OTOF: variants seen among roughly 807,000 people sequenced by gnomAD.
OTOF encodes otoferlin.
A neutral mutation model predicts 236.8 loss-of-function variants in OTOF; 218 were observed. The observed-to-expected ratio is 0.92, with a 90% CI of 0.82 to 1.03. The LOEUF (loss-of-function observed/expected upper bound fraction) is 1.03. OTOF is among the 50% of genes least tolerant of loss of function. The probability of loss-of-function intolerance (pLI) is 0.00; values close to 1 mark genes in which losing one functional copy is unlikely to be tolerated. For missense variants in OTOF, 2,590 were observed against 2,694.4 expected (o/e 0.96, Z 0.86); for synonymous variants, 1,041 against 1,072.5 (o/e 0.97, Z 0.57).
chr2:26,479,185 G>A (rs1309696692), intron 18 of OTOF, 79 bp downstream of exon 18: 2 of 1,534,572 alleles, frequency 1.3e-6, no homozygotes, highest in Non-Finnish European at 1.8e-6. Flanking sequence ...GACCAGCTTT[G>A]TGTGTTCCAG....
rs759221254 is a variant in OTOF at position 26,477,815 on chromosome 2, C to T, written c.2215-66G>A. ...GCCTCCCCAGCCTCCCCAAATGCCT[C>T]CTCCCTGTTGATCAGGGGAGTGAGG... On this transcript the variant is annotated intron_variant, in intron 18 of 46. Transcript: ENST00000272371. This position sits in a 1 kb window ranked among gnomAD's most constrained non-coding sequence, Gnocchi z 4.7. 1.9e-6 allele frequency: 3 copies of T among 1,596,506 alleles called. No homozygotes were observed. The highest frequency in any genetic ancestry group is 2.6e-6 in the Non-Finnish European group (3 of 1,171,816).
chr2:26,492,627 T>G (rs1312463260), intron 9 of OTOF, among the ~76,000 whole-genome samples: 4 of 152,178 alleles, frequency 2.6e-5, no homozygotes, highest in Non-Finnish European at 4.4e-5. Context: ...TCAGTGGATG[T>G]TTGTGTCTTC....
chr2:26,494,122 C>A (rs1186306933), intron 9 of OTOF, among the ~76,000 whole-genome samples: 1 of 152,218 alleles, frequency 6.6e-6, no homozygotes, highest in Non-Finnish European at 1.5e-5. Flanking sequence ...GCTGGGTGGG[C>A]AGCCTGGCCC....
chr2:26,483,734 C>A (rs1426810824), intron 12 of OTOF, 86 bp from the exon 13 acceptor site: 6 of 1,243,894 alleles, frequency 4.8e-6, no homozygotes, highest in Middle Eastern at 2.6e-4. Context: ...TGGGTCCTGG[C>A]ACAGTCTCTA....
chr2:26,472,587 C>T lies in OTOF; in HGVS notation c.3796G>A (p.Glu1266Lys). Reference sequence around the variant, plus strand: ...TCTGGCTCCATAGTCACCACAACCTCCCCTGTGGAGTGAGAGGAGGAGCCC... The same window carrying T: ...TCTGGCTCCATAGTCACCACAACCTTCCCTGTGGAGTGAGAGGAGGAGCCC... ...NGGSSSHSTG[E>K]VVVTMEPEVP... Residue 1266 changes from glutamate to lysine, a missense_variant, in exon 30 of 47, where the codon GAG becomes AAG. Transcript: ENST00000272371. 1 of 1,613,408 alleles carries T rather than the reference C, an allele frequency of 6.2e-7. No homozygotes were observed.
chr2:26,533,432 C>A (rs1235681606), intron 2 of OTOF, among the ~76,000 whole-genome samples: 1 of 152,000 alleles, frequency 6.6e-6, no homozygotes, highest in African/African-American at 2.4e-5. Flanking sequence ...GTGTCTCTGT[C>A]TCTCTCTCTC....
chr2:26,486,546 T>C (rs1332897209), intron 11 of OTOF, among the ~76,000 whole-genome samples: 2 of 152,232 alleles, frequency 1.3e-5, no homozygotes, highest in Non-Finnish European at 2.9e-5. Context: ...TCAGGAGGAA[T>C]GTAAAATTTA....
intron 5 of OTOF, among the ~76,000 whole-genome samples, chr2:26,514,231 C>T (rs1666463246): frequency 6.6e-6 from 1 of 152,278 alleles, no homozygotes; most frequent in Non-Finnish European, 1.5e-5. Flanking sequence ...CTCCTGCACA[C>T]TGCCCCTGCA....
At chr2:26,463,310 C>A (rs767260709) in intron 41 of OTOF, among the ~76,000 whole-genome samples, 173 bp downstream of exon 41, 1 of 152,226 alleles carries the variant, frequency 6.6e-6, no homozygotes, top group Admixed American at 6.5e-5. Flanking sequence ...TAAACTCTAT[C>A]GATTGGTTGG....
chr2:26,465,096 T>C (rs1028667003), intron 38 of OTOF, 67 bp from the exon 39 acceptor site: 1 of 1,357,370 alleles, frequency 7.4e-7, no homozygotes, highest in Non-Finnish European at 9.8e-7. Context: ...TGACAGCTGG[T>C]CGTGGCCAGT....
chr2:26,521,657 C>A (rs1434501222), intron 3 of OTOF, among the ~76,000 whole-genome samples: 1 of 152,204 alleles, frequency 6.6e-6, no homozygotes. Flanking sequence ...GCAAGATTGG[C>A]CTCCAGGCAA....
intron 6 of OTOF, among the ~76,000 whole-genome samples, chr2:26,502,698 T>C (rs1008793818): frequency 1.6e-4 from 24 of 152,342 alleles, no homozygotes; most frequent in Non-Finnish European, 2.8e-4. Context: ...ATATCTCTTA[T>C]GGAAGAAGGT....
At chr2:26,524,640 T>C (rs1256801180) in intron 3 of OTOF, among the ~76,000 whole-genome samples, 3 of 152,276 alleles carry the variant, frequency 2.0e-5, no homozygotes, top group Non-Finnish European at 4.4e-5. Context: ...GGCTCAAGTG[T>C]TTCCAGCATT....
intron 1 of OTOF, among the ~76,000 whole-genome samples, chr2:26,547,855 A>AG (rs1667371287): frequency 6.6e-6 from 1 of 152,230 alleles, no homozygotes. Flanking sequence ...AAAGAAAAAA[A>AG]GAATGTTTTC....
At chr2:26,488,527 C>T (rs76434680) in intron 11 of OTOF, among the ~76,000 whole-genome samples, 18 of 152,330 alleles carry the variant, frequency 1.2e-4, no homozygotes, top group East Asian at 3.9e-4. Flanking sequence ...CAGGACGCCA[C>T]GGAGCACACA....
intron 32 of OTOF, among the ~76,000 whole-genome samples, chr2:26,468,949 G>A (rs910721923): frequency 6.6e-5 from 10 of 152,102 alleles, no homozygotes; most frequent in Non-Finnish European, 1.0e-4. Flanking sequence ...AATACCCACT[G>A]TAAATGACGA....
intron 22 of OTOF, 35 bp downstream of exon 22, chr2:26,476,856 A>T (rs1239231916): frequency 5.0e-6 from 8 of 1,594,822 alleles, no homozygotes; most frequent in Non-Finnish European, 6.0e-6. Flanking sequence ...CCCTGAAAGG[A>T]CCCAGGCCCC....
At chr2:26,507,192 T>C (rs536262238) in intron 5 of OTOF, among the ~76,000 whole-genome samples, 9 of 152,208 alleles carry the variant, frequency 5.9e-5, no homozygotes, top group Non-Finnish European at 1.3e-4. Flanking sequence ...AAATGTGTAG[T>C]GAAGGATGTA....
At chr2:26,555,936 C>A (rs1172633362) in intron 1 of OTOF, among the ~76,000 whole-genome samples, 2 of 152,196 alleles carry the variant, frequency 1.3e-5, no homozygotes, top group African/African-American at 4.8e-5. Flanking sequence ...GCCCATTTTA[C>A]AGATGAGGAA....
Sources: allele counts gnomAD v4.1 joint callset (sites outside exome capture counted in the v4.1 genomes callset), GRCh38; gene constraint gnomAD v4.1.1; non-coding constraint Gnocchi (gnomAD v3.1); transcripts MANE v1.5; gene names NCBI Gene and HGNC (gene_info 2026-07-23, HGNC 2026-07-21).